Variants in PRH1 observed in about 807,000 individuals in gnomAD.
The protein encoded by PRH1 is proline rich protein HaeIII subfamily 1, also known as salivary acidic proline-rich phosphoprotein 1/2.
Under a neutral mutation model 7.9 loss-of-function variants are expected in PRH1, and 7 were observed. That is an observed-to-expected ratio of 0.89 (90% CI 0.50 to 1.67). PRH1 has a LOEUF of 1.67. Ranked by LOEUF, PRH1 falls within the 40% of genes most tolerant of loss-of-function variation. The probability of loss-of-function intolerance (pLI) is 0.00; values close to 1 mark genes in which losing one functional copy is unlikely to be tolerated. For missense variants in PRH1, 109 were observed against 223.6 expected (o/e 0.49, Z 3.27); for synonymous variants, 45 against 80.8 (o/e 0.56, Z 2.38).
At chr12:11,014,272 A>C (rs949840186) in intron 1 of PRH1, among the ~76,000 whole-genome samples, 56 of 151,986 alleles carry the variant, frequency 3.7e-4, no homozygotes, top group Admixed American at 1.2e-3. Flanking sequence ...GTTTAGAGAC[A>C]AAAGAGAACT....
At position 11,133,251 on chromosome 12, in the gene PRH1, T is replaced by C. The variant is rs2136368844; in HGVS notation, n.40-12071A>G. 5 of 1,553,124 alleles carry C rather than the reference T, an allele frequency of 3.2e-6. No individual in the cohort carries two copies. In the South Asian group the frequency reaches 3.8e-5, roughly 12 times the overall value. Reference sequence around the variant, plus strand: ...ATTACAGAAAACCCAGTAAGAAATATAAAATGTTTCATACACCACCAGTTT... The same window carrying C: ...ATTACAGAAAACCCAGTAAGAAATACAAAATGTTTCATACACCACCAGTTT... On this transcript the variant is annotated intron_variant and non_coding_transcript_variant, in intron 1 of 1. Transcript: ENST00000541175.
intron 1 of PRH1, among the ~76,000 whole-genome samples, chr12:11,167,329 T>C (rs1947610610): frequency 6.6e-6 from 1 of 152,106 alleles, no homozygotes; most frequent in Non-Finnish European, 1.5e-5. Flanking sequence ...TCAACCTTTG[T>C]AAGAATTTGT....
intron 1 of PRH1, chr12:11,134,071 C>G: frequency 1.2e-6 from 2 of 1,614,094 alleles, no homozygotes; most frequent in Non-Finnish European, 1.7e-6. Flanking sequence ...ACACCCAGAG[C>G]AAACCAACTC....
intron 1 of PRH1, among the ~76,000 whole-genome samples, chr12:10,999,407 C>T (rs570805914): frequency 6.6e-6 from 1 of 152,242 alleles, no homozygotes; most frequent in East Asian, 1.9e-4. Context: ...CACTTTAGCT[C>T]TCTTGAGTTG....
chr12:10,917,987 C>A (rs1035747440), intron 2 of PRH1, among the ~76,000 whole-genome samples: 1 of 152,168 alleles, frequency 6.6e-6, no homozygotes, highest in African/African-American at 2.4e-5. Context: ...AACTTCCCAG[C>A]CTGCAGAAAC....
intron 2 of PRH1, among the ~76,000 whole-genome samples, chr12:10,907,540 G>A (rs986550150): frequency 5.9e-5 from 9 of 151,442 alleles, no homozygotes; most frequent in Non-Finnish European, 4.4e-5. Context: ...TGTATATATG[G>A]CATCTATATA....
intron 1 of PRH1, among the ~76,000 whole-genome samples, chr12:11,146,585 A>T (rs1946867952): frequency 2.0e-5 from 3 of 152,306 alleles, no homozygotes; most frequent in Middle Eastern, 6.8e-3. Flanking sequence ...CTTTCCAAGG[A>T]ATTTAAAACT....
At chr12:11,003,919 T>C (rs182830552) in intron 1 of PRH1, among the ~76,000 whole-genome samples, 1 of 152,216 alleles carries the variant, frequency 6.6e-6, no homozygotes, top group East Asian at 1.9e-4. Flanking sequence ...TCTGTAAGTA[T>C]GTCATAATTT....
At chr12:11,070,229 G>A (rs538142605) in intron 1 of PRH1, among the ~76,000 whole-genome samples, 1 of 152,312 alleles carries the variant, frequency 6.6e-6, no homozygotes, top group East Asian at 1.9e-4. Context: ...AGGGTGAGTA[G>A]GCTAAGGCAT....
At chr12:10,888,044 T>C (rs1388455171), upstream of PRH1, among the ~76,000 whole-genome samples, 1 of 152,194 alleles carries the variant, frequency 6.6e-6, no homozygotes, top group Non-Finnish European at 1.5e-5. Context: ...AGTCCCTTTC[T>C]GGAGTCTCTA....
At chr12:11,145,864 T>C (rs968903481) in intron 1 of PRH1, among the ~76,000 whole-genome samples, 1 of 152,212 alleles carries the variant, frequency 6.6e-6, no homozygotes, top group African/African-American at 2.4e-5. Flanking sequence ...TGAAGCATTA[T>C]AATGTTTTTA....
exon 1 of PRH1, chr12:11,171,455 C>A: frequency 8.1e-7 from 1 of 1,232,240 alleles, no homozygotes; most frequent in Non-Finnish European, 1.0e-6. Context: ...GGCTCTCCCG[C>A]ACCCTGCTCG....
chr12:10,928,854 G>T (rs1333554835), intron 2 of PRH1, among the ~76,000 whole-genome samples: 1 of 152,100 alleles, frequency 6.6e-6, no homozygotes, highest in African/African-American at 2.4e-5. Flanking sequence ...TAGGATTGCT[G>T]CCCAACCCCC....
Position 11,158,170 on chromosome 12 carries a change from C to G in PRH1, n.39+13252G>C, listed in dbSNP as rs182977957. ...TTTCATATGGACATATCCATTTCCT[C>G]TATTAAAATAATACATGATCTTCAT... On this transcript the variant is annotated intron_variant and non_coding_transcript_variant, in intron 1 of 1. Coordinates refer to the PRH1 transcript ENST00000541175. Among the ~76,000 whole-genome samples the G allele has an allele frequency of 3.2e-3, 485 of 152,166 alleles. 2 individuals carry two copies. Among genetic ancestry groups the G allele is most frequent in the Non-Finnish European group, 5.9e-3 (399 of 67,970 alleles).
Position 11,125,006 on chromosome 12 carries a change from C to A in PRH1, n.40-3826G>T, listed in dbSNP as rs529829359. Among the ~76,000 whole-genome samples, 12 of 152,250 alleles carry A rather than the reference C, an allele frequency of 7.9e-5. 1 individual carries two copies. Among genetic ancestry groups the A allele is most frequent in the Admixed American group, 7.2e-4 (11 of 15,296 alleles). On this transcript the variant is annotated intron_variant and non_coding_transcript_variant, in intron 1 of 1. Transcript: ENST00000541175. ...TACAGGTGCCCGCCATCACGCCCAG[C>A]TAATTTTTGTATTTTTAGAAGAGAT...
intron 1 of PRH1, among the ~76,000 whole-genome samples, chr12:11,052,782 C>T (rs569742519): frequency 1.3e-5 from 2 of 152,008 alleles, no homozygotes; most frequent in South Asian, 2.1e-4. Flanking sequence ...ATTCTCAGTA[C>T]TGATATTTCA....
chr12:10,971,397 T>G (rs1938809138), intron 2 of PRH1, among the ~76,000 whole-genome samples: 1 of 152,230 alleles, frequency 6.6e-6, no homozygotes, highest in Non-Finnish European at 1.5e-5. Context: ...ATTTGTTTAT[T>G]TTCTTTGTTA....
chr12:11,007,796 C>A (rs951878827), intron 1 of PRH1, among the ~76,000 whole-genome samples: 5 of 152,036 alleles, frequency 3.3e-5, no homozygotes, highest in African/African-American at 1.2e-4. Flanking sequence ...TGAGATCACC[C>A]CCTCCAGATG....
chr12:10,958,993 G>C (rs543885051), intron 2 of PRH1, among the ~76,000 whole-genome samples: 2 of 152,254 alleles, frequency 1.3e-5, no homozygotes, highest in African/African-American at 2.4e-5. Context: ...TGCAGAACTA[G>C]AAAGAATAAT....
Sources: allele counts gnomAD v4.1 joint callset (sites outside exome capture counted in the v4.1 genomes callset), GRCh38; gene constraint gnomAD v4.1.1; transcripts MANE v1.5; gene names NCBI Gene and HGNC (gene_info 2026-07-23, HGNC 2026-07-21).